The following EXOC4 variants were observed in gnomAD, a reference collection of about 807,000 sequenced individuals.
EXOC4 encodes SEC8-like 1.
Under a neutral mutation model 107.2 loss-of-function variants are expected in EXOC4, and 71 were observed. The ratio of observed to expected loss-of-function variants is 0.66; its 90% CI spans 0.55 to 0.81. The LOEUF (loss-of-function observed/expected upper bound fraction) is 0.81, where lower values mean the gene tolerates loss of function less well. Among genes scored for constraint, EXOC4 ranks in the 30% least tolerant of loss-of-function variants. The probability of loss-of-function intolerance (pLI) is 0.00; values close to 1 mark genes in which losing one functional copy is unlikely to be tolerated. For missense variants in EXOC4, 1,108 were observed against 1,189.6 expected, an observed-to-expected ratio of 0.93 and a Z score of 1.01; for synonymous variants, 456 against 441.2, an observed-to-expected ratio of 1.03 and a Z score of -0.42.
At chr7:133,900,469 G>A (rs1229122262) in intron 12 of EXOC4, among the ~76,000 whole-genome samples, 2 of 152,156 alleles carry the variant, frequency 1.3e-5, no homozygotes, top group Non-Finnish European at 2.9e-5. Flanking sequence ...AGGAAAGCTT[G>A]GGTCAGACTG....
At chr7:133,988,143 A>T (rs1184942617) in intron 14 of EXOC4, among the ~76,000 whole-genome samples, 1 of 152,224 alleles carries the variant, frequency 6.6e-6, no homozygotes, top group Admixed American at 6.5e-5. Context: ...AGCAAAGTGC[A>T]CTGACAACTC....
chr7:133,554,617 C>T (rs1299687100), intron 9 of EXOC4, among the ~76,000 whole-genome samples: 1 of 152,132 alleles, frequency 6.6e-6, no homozygotes, highest in Non-Finnish European at 1.5e-5. Context: ...ATTTCCTCCT[C>T]ATTATTTGAA....
At chr7:134,099,108 C>A in the EXOC4 span, among the ~76,000 whole-genome samples, 1 of 151,950 alleles carries the variant, frequency 6.6e-6, no homozygotes, top group Non-Finnish European at 1.5e-5. Flanking sequence ...CAGAATGTGA[C>A]CTTATTTGGA....
At chr7:134,039,541 C>G (rs1311343111) in intron 17 of EXOC4, among the ~76,000 whole-genome samples, 1 of 152,096 alleles carries the variant, frequency 6.6e-6, no homozygotes, top group Admixed American at 6.5e-5. Flanking sequence ...GAAATAAAAT[C>G]ATATTTCCAG....
At chr7:133,443,992 TA>T (rs1345375778) in intron 7 of EXOC4, among the ~76,000 whole-genome samples, 7 of 152,166 alleles carry the variant, frequency 4.6e-5, no homozygotes, top group Non-Finnish European at 8.8e-5. Flanking sequence ...TTCAGGGAAT[TA>T]GGAGCATTTC....
chr7:133,937,196 CT>C, intron 13 of EXOC4, among the ~76,000 whole-genome samples: 1 of 152,266 alleles, frequency 6.6e-6, no homozygotes, highest in Admixed American at 6.5e-5. Flanking sequence ...GCCCTGCCCC[CT>C]GCAAAACATT....
chr7:133,342,616 T>C (rs1372066816), intron 5 of EXOC4, among the ~76,000 whole-genome samples: 1 of 151,858 alleles, frequency 6.6e-6, no homozygotes, highest in Non-Finnish European at 1.5e-5. Flanking sequence ...TCAAGTAAGT[T>C]TTCCAAACTT....
At chr7:133,757,894 C>T (rs1279478416) in intron 10 of EXOC4, among the ~76,000 whole-genome samples, 1 of 152,152 alleles carries the variant, frequency 6.6e-6, no homozygotes, top group African/African-American at 2.4e-5. Flanking sequence ...ACACAATTTG[C>T]TTAAGTTGAC....
In EXOC4 at chr7:133,737,395, C is replaced by CT. The variant is rs1044229464; in HGVS notation, c.1515-79918dup. Among the ~76,000 whole-genome samples, 839 of 149,318 alleles carry CT rather than the reference C, an allele frequency of 5.6e-3. 2 individuals carry two copies. The highest frequency in any genetic ancestry group is 0.017 in the Middle Eastern group (5 of 290). On this transcript the variant is annotated intron_variant, in intron 10 of 17. Coordinates refer to ENST00000253861, the MANE Select transcript of EXOC4 (RefSeq NM_021807.4). ...TGCTTGCTGTTCCCTAGCCTTTAAA[C>CT]TTTTTTTTTTTTGGACATTTCTTTT...
At chr7:133,929,117 GA>G (rs1352257473) in intron 13 of EXOC4, among the ~76,000 whole-genome samples, 1 of 151,880 alleles carries the variant, frequency 6.6e-6, no homozygotes, top group Non-Finnish European at 1.5e-5. Context: ...ATTTTTAGTA[GA>G]GATGGGGTTT....
At chr7:133,715,018 T>C (rs1794971395) in intron 10 of EXOC4, among the ~76,000 whole-genome samples, 1 of 152,210 alleles carries the variant, frequency 6.6e-6, no homozygotes, top group African/African-American at 2.4e-5. Context: ...TTTCTTCTTC[T>C]GTTTTTTCTT....
chr7:133,920,537 C>T (rs1172168084), intron 13 of EXOC4, among the ~76,000 whole-genome samples: 1 of 152,200 alleles, frequency 6.6e-6, no homozygotes, highest in Non-Finnish European at 1.5e-5. Context: ...TTCAATGACA[C>T]TGTACCACTA....
chr7:133,575,116 T>C (rs1801101280), intron 9 of EXOC4, among the ~76,000 whole-genome samples: 1 of 152,188 alleles, frequency 6.6e-6, no homozygotes, highest in South Asian at 2.1e-4. Flanking sequence ...GAAGTCAGAA[T>C]GTATTCATTT....
intron 9 of EXOC4, among the ~76,000 whole-genome samples, chr7:133,526,767 C>T (rs1371565986): frequency 2.0e-5 from 3 of 152,014 alleles, no homozygotes; most frequent in East Asian, 1.9e-4. Flanking sequence ...GTCAAGAGAT[C>T]GAGACCATCC....
intron 9 of EXOC4, among the ~76,000 whole-genome samples, chr7:133,512,719 T>C (rs977846627): frequency 6.6e-6 from 1 of 152,188 alleles, no homozygotes; most frequent in Admixed American, 6.5e-5. Context: ...CATTCTGCGC[T>C]GTGGTTAAGC....
Position 133,917,648 on chromosome 7 carries a change from G to A in EXOC4, c.1937G>A (p.Ser646Asn), listed in dbSNP as rs757318737. 1.2e-6 allele frequency: 2 copies of A among 1,614,086 alleles called. No individual in the cohort carries two copies. The highest frequency in any genetic ancestry group is 1.7e-6 in the Non-Finnish European group (2 of 1,179,984). ...SASWAKDDDI[S>N]RLLKSLPNWM... ...TCCTGGGCAAAAGATGATGATATCA[G>A]CAGACTCTTGAAATCTCTACCAAAC... is the stretch of plus-strand genomic sequence containing the variant. The change falls in exon 13 of 18, where the codon AGC becomes AAC. Residue 646 changes from serine to asparagine, a missense_variant. Physicochemically the swap from Ser to Asn is conservative, Grantham distance 46. Coordinates refer to ENST00000253861, the MANE Select transcript of EXOC4 (RefSeq NM_021807.4).
chr7:133,546,718 A>G (rs1316443851), intron 9 of EXOC4, among the ~76,000 whole-genome samples: 1 of 152,078 alleles, frequency 6.6e-6, no homozygotes. Context: ...ATTCCTGTCC[A>G]TATAATTTTG....
At chr7:133,361,160 C>A (rs2150666364) in intron 6 of EXOC4, among the ~76,000 whole-genome samples, 1 of 152,304 alleles carries the variant, frequency 6.6e-6, no homozygotes, top group South Asian at 2.1e-4. Context: ...TGGTCCCTGT[C>A]CTCATGGAGT....
chr7:133,523,417 A>T (rs957555261), intron 9 of EXOC4, among the ~76,000 whole-genome samples: 1 of 151,102 alleles, frequency 6.6e-6, no homozygotes, highest in Admixed American at 6.6e-5. Context: ...CTGAAAATTA[A>T]GAGTATATAT....
Sources: allele counts gnomAD v4.1 joint callset (sites outside exome capture counted in the v4.1 genomes callset), GRCh38; gene constraint gnomAD v4.1.1; transcripts MANE v1.5; gene names NCBI Gene and HGNC (gene_info 2026-07-23, HGNC 2026-07-21).